SH3GL3: variants seen among roughly 807,000 people sequenced by gnomAD.
SH3GL3 encodes the protein endophilin-A3.
A neutral mutation model predicts 47.7 loss-of-function variants in SH3GL3; 33 were observed. The ratio of observed to expected loss-of-function variants is 0.69; its 90% CI spans 0.52 to 0.92. SH3GL3 has a LOEUF of 0.92. SH3GL3 is among the 40% of genes least tolerant of loss of function. The pLI is 0.00. For synonymous variants in SH3GL3, 155 were observed against 148.8 expected (o/e 1.04, Z -0.30); for missense variants, 363 against 417.8 (o/e 0.87, Z 1.14).
intron 8 of SH3GL3, among the ~76,000 whole-genome samples, chr15:83,617,606 G>A (rs913318392): frequency 6.6e-6 from 1 of 152,172 alleles, no homozygotes; most frequent in African/African-American, 2.4e-5. Context: ...AACCTGGGAG[G>A]CAGAGGTTAC....
At chr15:83,486,103 TC>T (rs1207271509) in intron 1 of SH3GL3, among the ~76,000 whole-genome samples, 2 of 152,220 alleles carry the variant, frequency 1.3e-5, no homozygotes, top group Non-Finnish European at 2.9e-5. Context: ...ATTTTTTATG[TC>T]CTCCAATGCC....
chr15:83,588,827 C>G, intron 8 of SH3GL3, 56 bp downstream of exon 8: 1 of 881,434 alleles, frequency 1.1e-6, no homozygotes, highest in East Asian at 2.4e-5. Flanking sequence ...CTTCTAGAAA[C>G]ACTTATTTAC....
chr15:83,572,705 C>G lies in SH3GL3; in HGVS notation c.465+7C>G, dbSNP rs746116205. 3.1e-6 allele frequency: 5 copies of G among 1,595,980 alleles called. No homozygotes were observed. Among genetic ancestry groups the G allele is most frequent in the Non-Finnish European group, 4.3e-6 (5 of 1,165,660 alleles). On this transcript the variant is annotated splice_region_variant and intron_variant, in intron 5 of 8. Coordinates refer to ENST00000427482, the MANE Select transcript of SH3GL3 (RefSeq NM_003027.5). ...AGATTTAAAAGAGATCGGGGTAAGT[C>G]TTCCAGGGTATAAATATACCTGTTG... is the stretch of plus-strand genomic sequence containing the variant.
intron 1 of SH3GL3, among the ~76,000 whole-genome samples, chr15:83,486,958 G>A (rs142812585): frequency 6.6e-6 from 1 of 151,472 alleles, no homozygotes; most frequent in Non-Finnish European, 1.5e-5. Flanking sequence ...CCCATCATGG[G>A]GTCCCTACAC....
chr15:83,524,500 A>T (rs949395090), intron 1 of SH3GL3, among the ~76,000 whole-genome samples: 1 of 152,126 alleles, frequency 6.6e-6, no homozygotes, highest in African/African-American at 2.4e-5. Context: ...TGTATTTATC[A>T]TTTCCATGTG....
At chr15:83,567,977 C>G (rs1335083192) in intron 3 of SH3GL3, among the ~76,000 whole-genome samples, 1 of 147,368 alleles carries the variant, frequency 6.8e-6, no homozygotes, top group South Asian at 2.2e-4. Context: ...TTCTTTCTTT[C>G]TTTCTTTCTT....
chr15:83,544,340 C>G (rs1042304575), intron 1 of SH3GL3, among the ~76,000 whole-genome samples: 3 of 151,926 alleles, frequency 2.0e-5, no homozygotes, highest in Non-Finnish European at 4.4e-5. Context: ...TTATTGATTT[C>G]TAGTTTTATT....
intron 1 of SH3GL3, among the ~76,000 whole-genome samples, chr15:83,506,663 C>T (rs1216236319): frequency 6.6e-6 from 1 of 152,172 alleles, no homozygotes; most frequent in Non-Finnish European, 1.5e-5. Context: ...AGGAATGTGG[C>T]ATGTCTTGCC....
At chr15:83,619,264 T>G (rs1468773160), downstream of SH3GL3, among the ~76,000 whole-genome samples, 1 of 152,218 alleles carries the variant, frequency 6.6e-6, no homozygotes, top group Non-Finnish European at 1.5e-5. Flanking sequence ...ACCTCAGAGA[T>G]ATTGCAGGTT....
At chr15:83,549,036 C>T (rs1288585123) in intron 1 of SH3GL3, among the ~76,000 whole-genome samples, 6 of 151,976 alleles carry the variant, frequency 3.9e-5, no homozygotes, top group Admixed American at 1.3e-4. Flanking sequence ...TCTCAGTTGT[C>T]GTCTAATTGT....
intron 8 of SH3GL3, among the ~76,000 whole-genome samples, chr15:83,606,807 CTTTCT>C (rs966836251): frequency 2.0e-5 from 3 of 152,208 alleles, no homozygotes; most frequent in African/African-American, 7.2e-5. Context: ...TTCCAAGGTA[CTTTCT>C]AGCTCTAAAT....
intron 1 of SH3GL3, among the ~76,000 whole-genome samples, chr15:83,487,190 A>G (rs1342495811): frequency 7.1e-6 from 1 of 141,336 alleles, no homozygotes; most frequent in Non-Finnish European, 1.5e-5. Flanking sequence ...AAGAATTTTT[A>G]ACCGGTTTAC....
intron 1 of SH3GL3, among the ~76,000 whole-genome samples, chr15:83,499,988 C>G (rs2042231910): frequency 2.6e-5 from 4 of 152,186 alleles, no homozygotes; most frequent in Admixed American, 2.6e-4. Context: ...ACACATGACA[C>G]TGGAGAAGAT....
chr15:83,559,657 T>C (rs548066713), intron 2 of SH3GL3, among the ~76,000 whole-genome samples: 2 of 152,246 alleles, frequency 1.3e-5, no homozygotes, highest in Non-Finnish European at 2.9e-5. Flanking sequence ...AATCAAAATG[T>C]ATTTCTGGGA....
chr15:83,628,430 A>G, the SH3GL3 span, among the ~76,000 whole-genome samples: 1 of 152,226 alleles, frequency 6.6e-6, no homozygotes, highest in African/African-American at 2.4e-5. Context: ...AAAAAGCAAT[A>G]CATGGAGTAA....
At chr15:83,564,227 G>C (rs1159662282) in intron 2 of SH3GL3, among the ~76,000 whole-genome samples, 1 of 151,944 alleles carries the variant, frequency 6.6e-6, no homozygotes, top group East Asian at 1.9e-4. Context: ...CTATCAGCTT[G>C]CCAAATTTTA....
intron 8 of SH3GL3, among the ~76,000 whole-genome samples, chr15:83,611,215 G>A (rs1328744195): frequency 2.6e-5 from 4 of 151,500 alleles, no homozygotes; most frequent in Non-Finnish European, 5.9e-5. Context: ...AGTACTTACT[G>A]ACCAGCCGTC....
chr15:83,508,977 C>T lies in SH3GL3; in HGVS notation c.46-50276C>T, dbSNP rs1218331706. Among the ~76,000 whole-genome samples the T allele has an allele frequency of 4.6e-5, 7 of 152,114 alleles. No individual in the cohort carries two copies. The East Asian group carries it at 1.2e-3, about 25-fold the overall frequency. On this transcript the variant is annotated intron_variant, in intron 1 of 8. Transcript: ENST00000427482. ...TAGAAGCAGGGAGACTGATTAGAGG[C>T]GATTGTAACGCTCCTCACCTAGGAT...
intron 1 of SH3GL3, among the ~76,000 whole-genome samples, chr15:83,481,392 C>G (rs1038172425): frequency 2.0e-5 from 3 of 151,962 alleles, no homozygotes. Context: ...AGATTTGACA[C>G]TAGGACGTTA....
Sources: gnomAD v4.1 joint callset for allele counts (sites outside exome capture counted in the v4.1 genomes callset) on GRCh38, gnomAD v4.1.1 for gene constraint, MANE v1.5 for transcripts, NCBI Gene and HGNC (gene_info 2026-07-23, HGNC 2026-07-21) for gene names.